Variants in FBXL17 observed in about 807,000 individuals in gnomAD.
FBXL17 encodes F-box/LRR-repeat protein 17.
A neutral mutation model predicts 66.2 loss-of-function variants in FBXL17; 22 were observed. That is an observed-to-expected ratio of 0.33 (90% confidence interval 0.24 to 0.47). FBXL17 has a LOEUF of 0.47. Ranked by LOEUF, FBXL17 falls within the 20% of genes least tolerant of loss-of-function variation. The pLI, the probability that FBXL17 is intolerant of heterozygous loss-of-function variation, is 1.00. For synonymous variants in FBXL17, 474 were observed against 400.5 expected (o/e 1.18, Z -2.19); for missense variants, 878 against 948.2 (o/e 0.93, Z 0.97).
intron 2 of FBXL17, among the ~76,000 whole-genome samples, chr5:108,366,543 C>T (rs1324868588): frequency 6.6e-6 from 1 of 151,580 alleles, no homozygotes; most frequent in Non-Finnish European, 1.5e-5. Flanking sequence ...CATCTCCACA[C>T]CTTACTACCA....
Position 108,381,126 on chromosome 5 carries a change from A to T in FBXL17, c.566T>A (p.Leu189His). Residue 189 changes from leucine (L) to histidine (H), a missense_variant, in exon 1 of 9, where the codon CTC becomes CAC. By Grantham distance (99) the Leu-to-His change is moderately conservative. Around this residue, in one of 4 missense-constraint regions of FBXL17, gnomAD observed 605 missense variants for 509.5 expected, o/e 1.19. Transcript: ENST00000542267. ...FRGPTPSPAELPTPPEMVCKR... is the reference protein window; with the variant it reads ...FRGPTPSPAEHPTPPEMVCKR... ...GCACACCATTTCGGGGGGCGTAGGGAGCTCGGCCGGTGACGGTGTCGGCCC... is the reference window on the plus strand; with the variant it reads ...GCACACCATTTCGGGGGGCGTAGGGTGCTCGGCCGGTGACGGTGTCGGCCC... The T allele has an allele frequency of 7.3e-7, 1 of 1,367,732 alleles. No homozygotes were observed. The highest frequency in any genetic ancestry group is 9.4e-7 in the Non-Finnish European group (1 of 1,063,490). The allele number at this position is 1,367,732 out of a possible 1,614,324, so 84.7% of individuals were successfully genotyped here. A position where few individuals can be genotyped will look rare whatever the true frequency, so the allele number is the denominator to read the frequency against.
At chr5:108,242,356 T>TTGC (rs1255705166) in intron 4 of FBXL17, among the ~76,000 whole-genome samples, 60 of 47,548 alleles carry the variant, frequency 1.3e-3, no homozygotes, top group African/African-American at 0.011. Context: ...TAGTTTGTTG[T>TTGC]TGTTGTTGTT....
At position 107,861,645 on chromosome 5, in the gene FBXL17, G is replaced by A. The variant is rs1455487691; in HGVS notation, c.*75C>T. ...CAGGTGACAGTTAAAACCCTTCCGA[G>A]AGATCAGCTCCCCAAATGTACAATT... On this transcript the variant is annotated 3_prime_UTR_variant, in exon 9 of 9. Transcript: ENST00000542267. 4 of 1,363,464 alleles carry A rather than the reference G, an allele frequency of 2.9e-6. No homozygotes were observed. In the African/African-American group the frequency reaches 4.4e-5, roughly 15 times the overall value. 84.5% of individuals were successfully genotyped at this position (1,363,464 alleles called of 1,614,324 possible).
chr5:107,908,986 G>A (rs554211408), intron 7 of FBXL17, among the ~76,000 whole-genome samples: 1 of 152,250 alleles, frequency 6.6e-6, no homozygotes, highest in Non-Finnish European at 1.5e-5. Context: ...GCAAGTGGCC[G>A]TCGTGATAGA....
Position 108,121,852 on chromosome 5 carries a change from C to T in FBXL17, c.1745+64265G>A, listed in dbSNP as rs541701482. Among the ~76,000 whole-genome samples, 6 of 152,184 alleles carry T rather than the reference C, an allele frequency of 3.9e-5. No homozygotes were observed. In the East Asian group the frequency reaches 9.7e-4, roughly 25 times the overall value. On this transcript the variant is annotated intron_variant, in intron 6 of 8. Transcript: ENST00000542267. ...GATTACAGGCGTGAGCCACCGCGCT[C>T]GGCCCAAAAATATATTTACAATTTA...
At chr5:108,372,435 T>C (rs1019654061) in intron 1 of FBXL17, among the ~76,000 whole-genome samples, 1 of 152,120 alleles carries the variant, frequency 6.6e-6, no homozygotes, top group Non-Finnish European at 1.5e-5. Flanking sequence ...ACTCAATGAA[T>C]TCCAAGCAGG....
rs142545264 is a variant in FBXL17, at chr5:108,350,335, G to C, written c.1375-1805C>G. 2.8e-4 allele frequency among the ~76,000 whole-genome samples: 42 copies of C among 152,252 alleles called. No individual in the cohort carries two copies. The East Asian group carries it at 8.1e-3, about 29-fold the overall frequency. Reference sequence around the variant, plus strand: ...ATTTCTCTGGGGAGAGCAAAACGTAGGGTTTTTGGACTGGGGTATACCACA... The same window carrying C: ...ATTTCTCTGGGGAGAGCAAAACGTACGGTTTTTGGACTGGGGTATACCACA... On this transcript the variant is annotated intron_variant, in intron 3 of 8. Coordinates refer to ENST00000542267, the MANE Select transcript of FBXL17 (RefSeq NM_001163315.3).
In FBXL17 at chr5:108,225,705, T is replaced by G. The variant is rs1755071799; in HGVS notation, c.1507-1477A>C. Among the ~76,000 whole-genome samples, 4 of 152,190 alleles carry G rather than the reference T, an allele frequency of 2.6e-5. No individual in the cohort carries two copies. In the South Asian group the frequency reaches 8.3e-4, roughly 32 times the overall value. On this transcript the variant is annotated intron_variant, in intron 4 of 8. Transcript: ENST00000542267. ...TCTATTGTTTAAGCCACTCAGTTTGTGGTACTTGGTTCTAACAGCCCTAGC... is the reference window on the plus strand; with the variant it reads ...TCTATTGTTTAAGCCACTCAGTTTGGGGTACTTGGTTCTAACAGCCCTAGC...
intron 7 of FBXL17, among the ~76,000 whole-genome samples, chr5:107,967,681 A>T (rs989800497): frequency 2.0e-5 from 3 of 148,334 alleles, no homozygotes; most frequent in African/African-American, 7.4e-5. Context: ...AAAGTATAAT[A>T]AAAAAAAAAG....
chr5:108,017,116 A>C (rs1489486030), intron 7 of FBXL17, among the ~76,000 whole-genome samples: 1 of 152,144 alleles, frequency 6.6e-6, no homozygotes, highest in Non-Finnish European at 1.5e-5. Context: ...ATTGAGCAAA[A>C]AAGTAGGTTG....
At chr5:108,340,967 A>G (rs1220332655) in intron 4 of FBXL17, among the ~76,000 whole-genome samples, 3 of 152,184 alleles carry the variant, frequency 2.0e-5, no homozygotes, top group African/African-American at 4.8e-5. Flanking sequence ...AAATTTGAAA[A>G]TGTACATATC....
At chr5:108,194,576 C>T (rs556707119) in intron 5 of FBXL17, among the ~76,000 whole-genome samples, 3 of 152,254 alleles carry the variant, frequency 2.0e-5, no homozygotes, top group South Asian at 2.1e-4. Flanking sequence ...CTTCCCTGAT[C>T]GCTTCCTTCT....
chr5:108,134,983 T>A (rs1217131227), intron 6 of FBXL17, among the ~76,000 whole-genome samples: 1 of 152,192 alleles, frequency 6.6e-6, no homozygotes, highest in African/African-American at 2.4e-5. Context: ...CATTATATGT[T>A]TAAATAAAAA....
chr5:108,221,402 C>A (rs1414301562), intron 5 of FBXL17, among the ~76,000 whole-genome samples: 3 of 152,100 alleles, frequency 2.0e-5, no homozygotes, highest in Non-Finnish European at 4.4e-5. Context: ...GCCAATAATT[C>A]CTAAATTCAT....
Position 108,224,199 on chromosome 5 carries a change from A to C in FBXL17, c.1536T>G (p.Ala512=), listed in dbSNP as rs150717915. The C allele has an allele frequency of 6.2e-7, 1 of 1,609,308 alleles. No homozygotes were observed. The highest frequency in any genetic ancestry group is 1.1e-5 in the South Asian group (1 of 90,270). The change falls in exon 5 of 9, where the codon GCT becomes GCG. Residue 512 remains alanine (A), a synonymous_variant. Transcript: ENST00000542267. Reference sequence around the variant, plus strand: ...CATATTGAAGCTCAGGACAGTGTTCAGCAAATGCTTTCACTGACTGATCTG... The same window carrying C: ...CATATTGAAGCTCAGGACAGTGTTCCGCAAATGCTTTCACTGACTGATCTG... ...LVTDQSVKAF[A]EHCPELQYVG...
At chr5:107,953,402 CAA>C (rs1166788701) in intron 7 of FBXL17, among the ~76,000 whole-genome samples, 87 of 50,608 alleles carry the variant, frequency 1.7e-3, no homozygotes, top group Middle Eastern at 0.022. Context: ...GACTCTCTCT[CAA>C]AAAAAAAAAA....
chr5:108,103,490 A>T (rs1749676790), intron 6 of FBXL17, among the ~76,000 whole-genome samples: 2 of 152,216 alleles, frequency 1.3e-5, no homozygotes, highest in African/African-American at 4.8e-5. Context: ...CGTCAATGTG[A>T]ACCTTTAGTA....
At chr5:107,918,737 T>C (rs1750215854) in intron 7 of FBXL17, among the ~76,000 whole-genome samples, 1 of 152,222 alleles carries the variant, frequency 6.6e-6, no homozygotes, top group African/African-American at 2.4e-5. Flanking sequence ...TGAATTATGA[T>C]AGACAGTGCT....
intron 7 of FBXL17, among the ~76,000 whole-genome samples, chr5:107,898,862 T>C (rs529467126): frequency 1.3e-5 from 2 of 152,200 alleles, no homozygotes; most frequent in African/African-American, 4.8e-5. Flanking sequence ...CTTTATCCAG[T>C]CTATCATTGA....
Sources: gnomAD v4.1 joint callset for allele counts (sites outside exome capture counted in the v4.1 genomes callset) on GRCh38, gnomAD v4.1.1 for gene constraint, gnomAD v4.1.1 regional missense constraint, MANE v1.5 for transcripts, NCBI Gene and HGNC (gene_info 2026-07-23, HGNC 2026-07-21) for gene names.